Variants in PCDHGA5 observed in about 807,000 individuals in gnomAD.
PCDHGA5 encodes protocadherin gamma-A5.
PCDHGA5 carries 36 observed loss-of-function variants against 56.7 expected under a neutral mutation model. The observed-to-expected ratio is 0.64, with a 90% CI of 0.49 to 0.84. The LOEUF is 0.84. Among genes scored for constraint, PCDHGA5 ranks in the 40% least tolerant of loss-of-function variants. The pLI, the probability that PCDHGA5 is intolerant of heterozygous loss-of-function variation, is 0.00. For synonymous variants in PCDHGA5, 563 were observed against 520.2 expected, an observed-to-expected ratio of 1.08 and a Z score of -1.12; for missense variants, 1,305 against 1,201.5, an observed-to-expected ratio of 1.09 and a Z score of -1.27.
chr5:141,394,073 C>T (rs762892708), intron 1 of PCDHGA5: 14 of 1,613,718 alleles, frequency 8.7e-6, no homozygotes, highest in Non-Finnish European at 1.1e-5. Flanking sequence ...TCTACAATAT[C>T]ACAGTGATGG....
rs70988800 is a variant in PCDHGA5 at position 141,379,889 on chromosome 5, C to CTTTTTTTTTTTTTTTTTTTTTTTTTTTTT, written c.2421+13140_2421+13168dup. On this transcript the variant is annotated intron_variant, in intron 1 of 3. Coordinates refer to ENST00000518069, the MANE Select transcript of PCDHGA5 (RefSeq NM_018918.3). The stretch of plus-strand genomic sequence containing the variant: ...CTTATTTTATGGTCTGTGAAAGCCT[C>CTTTTTTTTTTTTTTTTTTTTTTTTTTTTT]TTTTTTTTTTTTTTTTTTTTTTTTT... Among the ~76,000 whole-genome samples the CTTTTTTTTTTTTTTTTTTTTTTTTTTTTT allele has an allele frequency of 3.3e-4, 17 of 50,832 alleles. 3 individuals are homozygous for CTTTTTTTTTTTTTTTTTTTTTTTTTTTTT. Among genetic ancestry groups the CTTTTTTTTTTTTTTTTTTTTTTTTTTTTT allele is most frequent in the Non-Finnish European group, 5.0e-4 (13 of 25,882 alleles). 33.3% of individuals were successfully genotyped at this position (50,832 alleles called of 152,430 possible).
chr5:141,385,708 A>C (rs1342579594), intron 1 of PCDHGA5: 1 of 259,588 alleles, frequency 3.9e-6, no homozygotes, highest in Non-Finnish European at 6.2e-6. Context: ...TTAGCATTCA[A>C]ATATGTAAAA....
intron 1 of PCDHGA5, chr5:141,410,447 C>G (rs760711107): frequency 1.2e-6 from 2 of 1,613,984 alleles, no homozygotes; most frequent in Non-Finnish European, 1.7e-6. Context: ...GGGGACTTTG[C>G]CTTATTCTTA....
chr5:141,476,317 G>T lies in PCDHGA5; in HGVS notation c.2422-18490G>T, dbSNP rs759809060. ...GTAGCCTCTCAGCCCGCAGGTTCCG[G>T]GTGGTGTCTGGAGCTAGCCGAAGAT... On this transcript the variant is annotated intron_variant, in intron 1 of 3. Transcript: ENST00000518069. This position sits in a 1 kb window ranked among gnomAD's most constrained non-coding sequence, Gnocchi z 7.6. 1.9e-6 allele frequency: 3 copies of T among 1,614,170 alleles called. No individual in the cohort carries two copies. The highest frequency in any genetic ancestry group is 1.7e-5 in the Admixed American group (1 of 60,024).
At chr5:141,419,558 C>T (rs560723941) in intron 1 of PCDHGA5, 1 of 1,611,970 alleles carries the variant, frequency 6.2e-7, no homozygotes, top group African/African-American at 1.3e-5. Context: ...GTACCCTGCG[C>T]TGGGTCCCGA....
intron 1 of PCDHGA5, chr5:141,394,067 C>T (rs773390718): frequency 1.9e-6 from 3 of 1,613,794 alleles, no homozygotes; most frequent in Admixed American, 3.3e-5. Flanking sequence ...TCTCTATCTA[C>T]AATATCACAG....
intron 1 of PCDHGA5, chr5:141,371,806 T>A (rs773656836): frequency 6.2e-7 from 1 of 1,613,888 alleles, no homozygotes; most frequent in South Asian, 1.1e-5. Context: ...GGAGCCTCCA[T>A]TGCGCATGTC....
intron 1 of PCDHGA5, chr5:141,415,423 G>A: frequency 1.2e-6 from 2 of 1,614,204 alleles, no homozygotes; most frequent in Non-Finnish European, 1.7e-6. Context: ...CGTGGACGGG[G>A]TTCGGGCTTT....
chr5:141,375,744 A>G lies in PCDHGA5; in HGVS notation c.2421+8993A>G, dbSNP rs573966652. The G allele has an allele frequency of 9.3e-6, 15 of 1,614,188 alleles. No individual in the cohort carries two copies. The South Asian group carries it at 1.6e-4, about 18-fold the overall frequency. ...GTGTCACTGAGCCTGTTTGTGCTGGACCAGAATGACAATGCGCCCGAGATC... is the reference window on the plus strand; with the variant it reads ...GTGTCACTGAGCCTGTTTGTGCTGGGCCAGAATGACAATGCGCCCGAGATC... On this transcript the variant is annotated intron_variant, in intron 1 of 3. Transcript: ENST00000518069.
At chr5:141,495,193 T>G (rs1471524188) in intron 2 of PCDHGA5, among the ~76,000 whole-genome samples, 2 of 152,192 alleles carry the variant, frequency 1.3e-5, no homozygotes, top group Non-Finnish European at 2.9e-5. Flanking sequence ...TCTATGCCCA[T>G]GTACTGCCTA....
In PCDHGA5 at chr5:141,476,686, C is replaced by T. The variant is rs138480390; in HGVS notation, c.2422-18121C>T. On this transcript the variant is annotated intron_variant, in intron 1 of 3. Coordinates refer to ENST00000518069, the MANE Select transcript of PCDHGA5 (RefSeq NM_018918.3). The surrounding 1 kb of genome is among the most constrained non-coding windows in gnomAD (Gnocchi z 7.6). ...TTCGCGTGCAGACGCGGGAGGACAGCACCAAGTACGCGGAGCTGGTGTTGG... is the reference window on the plus strand; with the variant it reads ...TTCGCGTGCAGACGCGGGAGGACAGTACCAAGTACGCGGAGCTGGTGTTGG... 6.2e-7 allele frequency: 1 copy of T among 1,614,126 alleles called. No homozygotes were observed. The highest frequency in any genetic ancestry group is 1.3e-5 in the African/African-American group (1 of 74,952).
rs1485715812 is a variant in PCDHGA5, at chr5:141,485,804, G to T, written c.2422-9003G>T. The T allele has an allele frequency of 6.2e-7, 1 of 1,614,218 alleles. No individual in the cohort carries two copies. The highest frequency in any genetic ancestry group is 1.7e-5 in the Admixed American group (1 of 60,026). ...AGAGAAGCAATCGGACTACCGCCTG[G>T]TGCTGACTGCTGTCGATGGAGGGAA... On this transcript the variant is annotated intron_variant, in intron 1 of 3. Coordinates refer to ENST00000518069, the MANE Select transcript of PCDHGA5 (RefSeq NM_018918.3). This position sits in a 1 kb window ranked among gnomAD's most constrained non-coding sequence, Gnocchi z 5.7.
chr5:141,421,374 C>G, intron 1 of PCDHGA5: 1 of 1,614,062 alleles, frequency 6.2e-7, no homozygotes, highest in Non-Finnish European at 8.5e-7. Context: ...TGGGCAATAT[C>G]TCCAAGGACC....
chr5:141,403,207 CACCGCGGGTAGGATAG>C, intron 1 of PCDHGA5: 1 of 1,613,966 alleles, frequency 6.2e-7, no homozygotes, highest in South Asian at 1.1e-5. Context: ...GCACCTTGGT[CACCGCGGGTAGGATAG>C]ACCGGGAGGA....
At chr5:141,421,781 G>A (rs1482347889) in intron 1 of PCDHGA5, 1 of 1,613,856 alleles carries the variant, frequency 6.2e-7, no homozygotes, top group Non-Finnish European at 8.5e-7. Context: ...CAACTGCGGG[G>A]CAGAACGGAT....
Position 141,476,364 on chromosome 5 carries a change from C to T in PCDHGA5, c.2422-18443C>T, listed in dbSNP as rs1462808655. The T allele has an allele frequency of 6.2e-7, 1 of 1,614,036 alleles. No homozygotes were observed. The highest frequency in any genetic ancestry group is 8.5e-7 in the Non-Finnish European group (1 of 1,180,026). Reference sequence around the variant, plus strand: ...AGATTCTTTGAGGTGAACCGGGAGACCGGAGAGATGTTTGTGAACGACCGT... The same window carrying T: ...AGATTCTTTGAGGTGAACCGGGAGATCGGAGAGATGTTTGTGAACGACCGT... On this transcript the variant is annotated intron_variant, in intron 1 of 3. Coordinates refer to ENST00000518069, the MANE Select transcript of PCDHGA5 (RefSeq NM_018918.3). This position sits in a 1 kb window ranked among gnomAD's most constrained non-coding sequence, Gnocchi z 7.6.
intron 1 of PCDHGA5, chr5:141,370,273 C>G: frequency 1.2e-6 from 1 of 809,002 alleles, no homozygotes; most frequent in East Asian, 2.7e-5. Context: ...GCAGCGGAGA[C>G]ACCCATTAGA....
At chr5:141,396,891 A>G (rs1216083648) in intron 1 of PCDHGA5, among the ~76,000 whole-genome samples, 1 of 152,228 alleles carries the variant, frequency 6.6e-6, no homozygotes, top group Non-Finnish European at 1.5e-5. Flanking sequence ...AGAGGACAAC[A>G]TATTATTGGC....
rs377138746 is a variant in PCDHGA5 at position 141,432,481 on chromosome 5, C to T, written c.2422-62326C>T. ...CCCTCCCCACGGACGGTTCCACTGG[C>T]GTGGAGCTGGCTCCCCGCTCCGCAG... On this transcript the variant is annotated intron_variant, in intron 1 of 3. Transcript: ENST00000518069. This position sits in a 1 kb window ranked among gnomAD's most constrained non-coding sequence, Gnocchi z 6.0. The T allele has an allele frequency of 1.1e-5, 17 of 1,614,198 alleles. No individual in the cohort carries two copies. The African/African-American group carries it at 1.7e-4, about 16-fold the overall frequency.
Sources: allele counts gnomAD v4.1 joint callset (sites outside exome capture counted in the v4.1 genomes callset), GRCh38; gene constraint gnomAD v4.1.1; non-coding constraint Gnocchi (gnomAD v3.1); transcripts MANE v1.5; gene names NCBI Gene and HGNC (gene_info 2026-07-23, HGNC 2026-07-21).